STPG4: variants seen among roughly 807,000 people sequenced by gnomAD.
STPG4 encodes protein STPG4.
In STPG4, 41 loss-of-function variants were observed where a neutral mutation model predicts 31.5. The ratio of observed to expected loss-of-function variants is 1.30; its 90% confidence interval spans 1.01 to 1.69. The LOEUF is 1.69. STPG4 is among the 40% of genes most tolerant of loss of function. The pLI, the probability that STPG4 is intolerant of heterozygous loss-of-function variation, is 0.00. For missense variants in STPG4, 375 were observed against 293.4 expected (o/e 1.28, Z -2.03); for synonymous variants, 141 against 103.0 (o/e 1.37, Z -2.24).
intron 5 of STPG4, among the ~76,000 whole-genome samples, chr2:47,118,112 G>T (rs576458158): frequency 1.3e-5 from 2 of 152,014 alleles, no homozygotes; most frequent in Non-Finnish European, 1.5e-5. Flanking sequence ...AGTTGCTTAC[G>T]TCAGGGTCCC....
chr2:47,121,099 A>T (rs548352645), intron 5 of STPG4: 1 of 154,366 alleles, frequency 6.5e-6, no homozygotes, highest in Non-Finnish European at 1.5e-5. Context: ...AGAACACAAG[A>T]AAAGCTGGGG....
rs553401228 is a variant in STPG4, at chr2:47,151,131, G to A, written c.399+127C>T. 61 of 1,199,784 alleles carry A rather than the reference G, an allele frequency of 5.1e-5. No homozygotes were observed. In the South Asian group the frequency reaches 7.1e-4, roughly 14 times the overall value. 74.3% of individuals were successfully genotyped at this position (1,199,784 alleles called of 1,614,324 possible). A position where few individuals can be genotyped will look rare whatever the true frequency, so the allele number is the denominator to read the frequency against. On this transcript the variant is annotated intron_variant, in intron 3 of 6. Coordinates refer to ENST00000445927, the MANE Select transcript of STPG4 (RefSeq NM_001163561.2). ...CAGGCAGTCCTTGTTTGATTTCTACGGGAAATAAGACATCTTAAAGGTTTT... is the reference window on the plus strand; with the variant it reads ...CAGGCAGTCCTTGTTTGATTTCTACAGGAAATAAGACATCTTAAAGGTTTT...
intron 3 of STPG4, among the ~76,000 whole-genome samples, chr2:47,148,329 C>A (rs1433078053): frequency 3.3e-5 from 5 of 151,914 alleles, no homozygotes; most frequent in Admixed American, 3.3e-4. Context: ...TAGTTAGCCA[C>A]TCAGCACTTG....
chr2:47,112,663 C>G (rs867097476), intron 5 of STPG4, among the ~76,000 whole-genome samples: 1 of 152,204 alleles, frequency 6.6e-6, no homozygotes, highest in South Asian at 2.1e-4. Context: ...GCTCAGATTT[C>G]TGGTGATTGT....
chr2:47,097,639 G>A (rs1317592864), intron 5 of STPG4, among the ~76,000 whole-genome samples: 2 of 152,170 alleles, frequency 1.3e-5, no homozygotes, highest in Non-Finnish European at 2.9e-5. Flanking sequence ...CTATGAGGAA[G>A]GGGCCCTCAT....
intron 3 of STPG4, among the ~76,000 whole-genome samples, chr2:47,134,969 T>G (rs1304567198): frequency 1.3e-5 from 2 of 152,222 alleles, no homozygotes; most frequent in East Asian, 1.9e-4. Context: ...CGTTTTTTCA[T>G]ATGCTTTTTT....
At chr2:47,126,254 CCTTCCT>C (rs1686363068) in intron 5 of STPG4, among the ~76,000 whole-genome samples, 1 of 151,550 alleles carries the variant, frequency 6.6e-6, no homozygotes, top group Admixed American at 6.6e-5. Context: ...TTCTTTCTTT[CCTTCCT>C]CTTCTTTCTC....
chr2:47,090,735 T>G (rs1370898762), intron 5 of STPG4, among the ~76,000 whole-genome samples: 1 of 152,264 alleles, frequency 6.6e-6, no homozygotes, highest in Non-Finnish European at 1.5e-5. Flanking sequence ...CTCTGACTGT[T>G]AAAGGTGACT....
chr2:47,094,302 C>A (rs1414919602), intron 5 of STPG4, among the ~76,000 whole-genome samples: 1 of 152,192 alleles, frequency 6.6e-6, no homozygotes, highest in Non-Finnish European at 1.5e-5. Flanking sequence ...AATTCTGTCT[C>A]CAGGGGAGAA....
At chr2:47,093,086 C>T (rs112480026) in intron 5 of STPG4, among the ~76,000 whole-genome samples, 8 of 152,320 alleles carry the variant, frequency 5.3e-5, no homozygotes, top group Middle Eastern at 3.4e-3. Flanking sequence ...ACACCGCACC[C>T]GGCCCTTCCA....
chr2:47,143,863 A>G (rs967315218), intron 3 of STPG4, among the ~76,000 whole-genome samples: 3 of 152,130 alleles, frequency 2.0e-5, no homozygotes, highest in Non-Finnish European at 2.9e-5. Context: ...TCACCATTTG[A>G]TACAGGTGAT....
At chr2:47,117,930 ATT>A (rs112745155) in intron 5 of STPG4, among the ~76,000 whole-genome samples, 15,462 of 117,492 alleles carry the variant, frequency 0.13, 869 homozygotes, top group Non-Finnish European at 0.14. Flanking sequence ...ATATATATAT[ATT>A]TTTTTTTTAA....
chr2:47,136,098 T>C (rs1043997565), intron 3 of STPG4, among the ~76,000 whole-genome samples: 8 of 152,204 alleles, frequency 5.3e-5, no homozygotes, highest in Non-Finnish European at 1.0e-4. Context: ...ACAATATTGA[T>C]CTTCCTATCC....
intron 5 of STPG4, among the ~76,000 whole-genome samples, chr2:47,111,925 G>A (rs1297051912): frequency 2.0e-5 from 3 of 152,166 alleles, no homozygotes; most frequent in Non-Finnish European, 4.4e-5. Flanking sequence ...TACACTGGGG[G>A]ACAAAATATA....
chr2:47,090,732 T>C (rs1685554693), intron 5 of STPG4, among the ~76,000 whole-genome samples: 1 of 152,254 alleles, frequency 6.6e-6, no homozygotes, highest in Non-Finnish European at 1.5e-5. Flanking sequence ...TCCCTCTGAC[T>C]GTTAAAGGTG....
intron 5 of STPG4, among the ~76,000 whole-genome samples, chr2:47,107,036 G>C (rs1685927136): frequency 6.6e-6 from 1 of 151,954 alleles, no homozygotes; most frequent in Non-Finnish European, 1.5e-5. Context: ...GCAGGAAGTA[G>C]CTAGAACGGT....
intron 5 of STPG4, among the ~76,000 whole-genome samples, chr2:47,103,313 C>T (rs1393652899): frequency 6.6e-6 from 1 of 152,060 alleles, no homozygotes; most frequent in African/African-American, 2.4e-5. Context: ...TCCCCTGTCA[C>T]CCAAATCACT....
intron 5 of STPG4, among the ~76,000 whole-genome samples, chr2:47,101,890 G>T (rs1685808018): frequency 6.6e-6 from 1 of 151,848 alleles, no homozygotes; most frequent in Non-Finnish European, 1.5e-5. Flanking sequence ...AAGGGGTAAA[G>T]TCCCAACACT....
intron 1 of STPG4, among the ~76,000 whole-genome samples, chr2:47,154,514 C>T (rs1038450543): frequency 1.2e-4 from 18 of 152,230 alleles, no homozygotes; most frequent in African/African-American, 3.9e-4. Context: ...ACTTTAAATT[C>T]ACTCTAAGGG....
Sources: gnomAD v4.1 joint callset for allele counts (sites outside exome capture counted in the v4.1 genomes callset) on GRCh38, gnomAD v4.1.1 for gene constraint, MANE v1.5 for transcripts, NCBI Gene and HGNC (gene_info 2026-07-23, HGNC 2026-07-21) for gene names.